The following SRD5A2 variants were observed in gnomAD, a reference collection of about 807,000 sequenced individuals.
SRD5A2 encodes the protein 3-oxo-5-alpha-steroid 4-dehydrogenase 2.
A neutral mutation model predicts 27.4 loss-of-function variants in SRD5A2; 30 were observed. The ratio of observed to expected loss-of-function variants is 1.10; its 90% confidence interval spans 0.82 to 1.49. The LOEUF (loss-of-function observed/expected upper bound fraction) is 1.49. Ranked by LOEUF, SRD5A2 falls within the 40% of genes most tolerant of loss-of-function variation. The pLI is 0.00. For missense variants in SRD5A2, 348 were observed against 323.4 expected, an observed-to-expected ratio of 1.08 and a Z score of -0.58; for synonymous variants, 141 against 133.6, an observed-to-expected ratio of 1.06 and a Z score of -0.38.
chr2:31,633,300 C>T, the SRD5A2 span, among the ~76,000 whole-genome samples: 1 of 152,162 alleles, frequency 6.6e-6, no homozygotes, highest in African/African-American at 2.4e-5. Flanking sequence ...TTACTTAAAA[C>T]CCTTCACCAA....
chr2:31,569,459 A>G (rs1214881313), intron 1 of SRD5A2, among the ~76,000 whole-genome samples: 1 of 152,136 alleles, frequency 6.6e-6, no homozygotes, highest in African/African-American at 2.4e-5. Flanking sequence ...ACATAGTGAT[A>G]CCCCATTGTG....
At chr2:31,552,121 C>T (rs1666392883) in intron 1 of SRD5A2, among the ~76,000 whole-genome samples, 2 of 150,464 alleles carry the variant, frequency 1.3e-5, no homozygotes, top group Admixed American at 1.3e-4. Flanking sequence ...ATAAATGGTC[C>T]CTCACCTCAT....
the SRD5A2 span, among the ~76,000 whole-genome samples, chr2:31,648,145 C>G: frequency 6.6e-6 from 1 of 152,146 alleles, no homozygotes. Context: ...GAAGTGTTGA[C>G]TTGTCCATTA....
At chr2:31,592,279 C>A in the SRD5A2 span, among the ~76,000 whole-genome samples, 1 of 152,084 alleles carries the variant, frequency 6.6e-6, no homozygotes, top group East Asian at 1.9e-4. Context: ...ACAGAACAAA[C>A]CTGATCCTAG....
the SRD5A2 span, among the ~76,000 whole-genome samples, chr2:31,596,076 T>A: frequency 6.6e-6 from 1 of 152,086 alleles, no homozygotes; most frequent in Non-Finnish European, 1.5e-5. Flanking sequence ...AAGCCATACA[T>A]GAAAACCCAG....
chr2:31,529,420 G>A lies in SRD5A2; in HGVS notation c.585C>T (p.Leu195=), dbSNP rs61750399. The change falls in exon 4 of 5, where the codon CTC becomes CTT. Residue 195 remains leucine (L), a synonymous_variant. Transcript: ENST00000622030. ...LFTYVSGANF[L]GEIIEWIGYA... is the part of the protein sequence containing the mutation. ...AGCCGATCCATTCAATGATCTCACC[G>A]AGGAAATTGGCTCCAGAAACATACG... 26 of 1,613,736 alleles carry A rather than the reference G, an allele frequency of 1.6e-5. No individual in the cohort carries two copies. In the East Asian group the frequency reaches 3.3e-4, roughly 21 times the overall value.
the SRD5A2 span, among the ~76,000 whole-genome samples, chr2:31,647,124 G>A: frequency 6.6e-6 from 1 of 152,030 alleles, no homozygotes; most frequent in Non-Finnish European, 1.5e-5. Flanking sequence ...CAGCCTGGGC[G>A]ACAGAGTAAC....
At chr2:31,618,875 C>T in the SRD5A2 span, among the ~76,000 whole-genome samples, 2 of 152,060 alleles carry the variant, frequency 1.3e-5, no homozygotes, top group Non-Finnish European at 2.9e-5. Flanking sequence ...TTCATGGATA[C>T]ATTAATTACC....
chr2:31,643,290 T>G, the SRD5A2 span, among the ~76,000 whole-genome samples: 12 of 152,166 alleles, frequency 7.9e-5, no homozygotes, highest in African/African-American at 2.9e-4. Context: ...AGCAAATGTA[T>G]AAATATATTC....
the SRD5A2 span, among the ~76,000 whole-genome samples, chr2:31,659,369 A>G: frequency 6.6e-6 from 1 of 152,148 alleles, no homozygotes; most frequent in East Asian, 1.9e-4. Context: ...AGGCATCCAG[A>G]TAGGAAGAGA....
intron 1 of SRD5A2, among the ~76,000 whole-genome samples, chr2:31,540,546 C>A (rs1666109439): frequency 6.6e-6 from 1 of 152,154 alleles, no homozygotes; most frequent in Non-Finnish European, 1.5e-5. Context: ...GTAGGGAGAG[C>A]ATCCTGGGGA....
At chr2:31,652,938 T>C in the SRD5A2 span, among the ~76,000 whole-genome samples, 1 of 152,198 alleles carries the variant, frequency 6.6e-6, no homozygotes, top group Admixed American at 6.5e-5. Context: ...TCTGCACTAT[T>C]GTGAGACTGG....
chr2:31,562,329 C>T (rs1445702039), intron 1 of SRD5A2, among the ~76,000 whole-genome samples: 4 of 152,042 alleles, frequency 2.6e-5, no homozygotes, highest in Admixed American at 2.0e-4. Context: ...GTAATAATCA[C>T]ATTAGGGTAA....
the SRD5A2 span, among the ~76,000 whole-genome samples, chr2:31,605,208 T>G: frequency 2.0e-5 from 3 of 151,832 alleles, no homozygotes; most frequent in Admixed American, 2.0e-4. Flanking sequence ...AAGAAGACAT[T>G]GGGGAAACTC....
intron 1 of SRD5A2, among the ~76,000 whole-genome samples, chr2:31,575,641 T>C (rs1666944336): frequency 2.0e-5 from 3 of 152,126 alleles, no homozygotes; most frequent in South Asian, 2.1e-4. Context: ...TTTATTTGGC[T>C]AATCAAAAAA....
Position 31,533,668 on chromosome 2 carries a change from C to A in SRD5A2, c.380G>T (p.Gly127Val). 4 of 1,567,904 alleles carry A rather than the reference C, an allele frequency of 2.6e-6. No homozygotes were observed. The highest frequency in any genetic ancestry group is 3.5e-6 in the Non-Finnish European group (4 of 1,155,920). The change falls in exon 2 of 5, where the codon GGC becomes GTC. Residue 127 changes from glycine (G) to valine (V), a missense_variant. Gly to Val is a moderately radical substitution (Grantham distance 109, BLOSUM62 -3). Coordinates refer to ENST00000622030, the MANE Select transcript of SRD5A2 (RefSeq NM_000348.4). Reference protein sequence around the residue: ...AFCTGNGVLQGYYLIYCAEYP... With the variant: ...AFCTGNGVLQVYYLIYCAEYP... ...TTCAGCACAGTAAATCAGATAGTAG[C>A]CTTGAAGGACTCCATTTCCAGTGCA...
At chr2:31,634,413 G>C in the SRD5A2 span, among the ~76,000 whole-genome samples, 1 of 152,120 alleles carries the variant, frequency 6.6e-6, no homozygotes, top group Non-Finnish European at 1.5e-5. Context: ...GAATCCTAGA[G>C]AGGGAAAACA....
chr2:31,546,479 C>T (rs1445057389), intron 1 of SRD5A2, among the ~76,000 whole-genome samples: 1 of 149,994 alleles, frequency 6.7e-6, no homozygotes, highest in Non-Finnish European at 1.5e-5. Flanking sequence ...TAAATTATGT[C>T]CTTTGCAGCA....
At chr2:31,654,305 C>G in the SRD5A2 span, among the ~76,000 whole-genome samples, 1 of 152,170 alleles carries the variant, frequency 6.6e-6, no homozygotes, top group African/African-American at 2.4e-5. Flanking sequence ...CAAGGATACA[C>G]TACTTGCAGG....
Sources: gnomAD v4.1 joint callset for allele counts (sites outside exome capture counted in the v4.1 genomes callset) on GRCh38, gnomAD v4.1.1 for gene constraint, MANE v1.5 for transcripts, NCBI Gene and HGNC (gene_info 2026-07-23, HGNC 2026-07-21) for gene names.